Variants in BRIP1 observed in about 807,000 individuals in gnomAD.
BRIP1 encodes BRCA1 interacting DNA helicase 1, also known as Fanconi anemia group J protein.
A neutral mutation model predicts 119.7 loss-of-function variants in BRIP1; 88 were observed. The observed-to-expected ratio is 0.74, with a 90% CI of 0.62 to 0.88. BRIP1 has a LOEUF of 0.88. Among genes scored for constraint, BRIP1 ranks in the 40% least tolerant of loss-of-function variants. The pLI, the probability that BRIP1 is intolerant of heterozygous loss-of-function variation, is 0.00. For missense variants in BRIP1, 1,259 were observed against 1,455.4 expected, an observed-to-expected ratio of 0.87 and a Z score of 2.20; for synonymous variants, 443 against 496.5, an observed-to-expected ratio of 0.89 and a Z score of 1.43.
At chr17:61,850,261 C>T (rs1427497337) in intron 4 of BRIP1, among the ~76,000 whole-genome samples, 2 of 151,934 alleles carry the variant, frequency 1.3e-5, no homozygotes, top group African/African-American at 2.4e-5. Context: ...TGCCACCACG[C>T]CTGGCTAATT....
At chr17:61,747,159 C>T (rs2077068672) in intron 14 of BRIP1, among the ~76,000 whole-genome samples, 1 of 151,636 alleles carries the variant, frequency 6.6e-6, no homozygotes, top group South Asian at 2.1e-4. Context: ...CCACAACATA[C>T]CACAAGTAAG....
At position 61,693,942 on chromosome 17, in the gene BRIP1, TTTC is replaced by T. The variant is rs769604351; in HGVS notation, c.2493-433_2493-431del. Reference sequence around the variant, plus strand: ...AATTCAATTGACATAACATGTAGTTTTTCTTCTTTTGACTGTTAATATGGTAGA... The same window carrying T: ...AATTCAATTGACATAACATGTAGTTTTTCTTTTGACTGTTAATATGGTAGA... On this transcript the variant is annotated intron_variant, in intron 17 of 19. Coordinates refer to ENST00000259008, the MANE Select transcript of BRIP1 (RefSeq NM_032043.3). The surrounding 1 kb of genome is among the most constrained non-coding windows in gnomAD (Gnocchi z 4.2). Among the ~76,000 whole-genome samples the T allele has an allele frequency of 1.3e-5, 2 of 152,098 alleles. No individual in the cohort carries two copies. The highest frequency in any genetic ancestry group is 2.9e-5 in the Non-Finnish European group (2 of 67,976).
At position 61,816,422 on chromosome 17, in the gene BRIP1, A is replaced by G. The variant is rs1006572599; in HGVS notation, c.628-7665T>C. The stretch of plus-strand genomic sequence containing the variant: ...TAAACTGCAGTGGGCTAGCACATTA[A>G]GACAGATCCTTTTCACGGTTGTTTT... On this transcript the variant is annotated intron_variant, in intron 6 of 19. Coordinates refer to ENST00000259008, the MANE Select transcript of BRIP1 (RefSeq NM_032043.3). The surrounding 1 kb of genome is among the most constrained non-coding windows in gnomAD (Gnocchi z 5.0). 9.2e-5 allele frequency among the ~76,000 whole-genome samples: 14 copies of G among 152,210 alleles called. No homozygotes were observed. The highest frequency in any genetic ancestry group is 3.4e-4 in the African/African-American group (14 of 41,462).
chr17:61,718,260 C>T (rs927059261), intron 16 of BRIP1, among the ~76,000 whole-genome samples: 2 of 152,156 alleles, frequency 1.3e-5, no homozygotes, highest in African/African-American at 4.8e-5. Context: ...AATTAGGGTA[C>T]TTGGAACCAG....
rs1012648141 is a variant in BRIP1 at position 61,829,866 on chromosome 17, T to C, written c.627+17235A>G. On this transcript the variant is annotated intron_variant, in intron 6 of 19. Transcript: ENST00000259008. Reference sequence around the variant, plus strand: ...CTTAGAGGGAAATGTATAGCTTTCATTGGTGTTTTATTTAGGAAAAAAAAA... The same window carrying C: ...CTTAGAGGGAAATGTATAGCTTTCACTGGTGTTTTATTTAGGAAAAAAAAA... 2.0e-5 allele frequency among the ~76,000 whole-genome samples: 3 copies of C among 152,192 alleles called. No individual in the cohort carries two copies. In the East Asian group the frequency reaches 5.8e-4, roughly 29 times the overall value.
intron 6 of BRIP1, among the ~76,000 whole-genome samples, chr17:61,837,146 A>T (rs867664957): frequency 3.9e-5 from 6 of 152,268 alleles, no homozygotes; most frequent in Non-Finnish European, 8.8e-5. Flanking sequence ...GCATCAACTC[A>T]CATGAACCTG....
chr17:61,798,170 T>C lies in BRIP1; in HGVS notation c.1340+930A>G, dbSNP rs2077930741. Reference sequence around the variant, plus strand: ...TTAATCAGAGGCTGGTTAAATAAACTATTGCATATCTATCTAATGGAATTC... The same window carrying C: ...TTAATCAGAGGCTGGTTAAATAAACCATTGCATATCTATCTAATGGAATTC... On this transcript the variant is annotated intron_variant, in intron 9 of 19. Transcript: ENST00000259008. This position sits in a 1 kb window ranked among gnomAD's most constrained non-coding sequence, Gnocchi z 5.5. 6.6e-6 allele frequency among the ~76,000 whole-genome samples: 1 copy of C among 151,942 alleles called. No homozygotes were observed. Among genetic ancestry groups the C allele is most frequent in the Admixed American group, 6.6e-5 (1 of 15,226 alleles).
In BRIP1 at chr17:61,769,064, G is replaced by A. The variant is rs1369401498; in HGVS notation, c.2097+7337C>T. On this transcript the variant is annotated intron_variant, in intron 14 of 19. Transcript: ENST00000259008. The surrounding 1 kb of genome is among the most constrained non-coding windows in gnomAD (Gnocchi z 4.9). ...CTTAGCCAACAGCCCGCAAAAGACT[G>A]GGTATCTCACTCAGTCCTACGACTA... 3.3e-5 allele frequency among the ~76,000 whole-genome samples: 5 copies of A among 152,120 alleles called. No individual in the cohort carries two copies. The highest frequency in any genetic ancestry group is 1.2e-4 in the African/African-American group (5 of 41,434).
At position 61,862,470 on chromosome 17, in the gene BRIP1, A is replaced by C. The variant is rs553346523; in HGVS notation, c.-31+814T>G. Among the ~76,000 whole-genome samples the C allele has an allele frequency of 5.3e-5, 8 of 152,344 alleles. No individual in the cohort carries two copies. Among genetic ancestry groups the C allele is most frequent in the African/African-American group, 1.9e-4 (8 of 41,580 alleles). ...AGCCAGGGCAGAATGTACCTAACCCAGGATCTGATACAGATGAGGATCACT... is the reference window on the plus strand; with the variant it reads ...AGCCAGGGCAGAATGTACCTAACCCCGGATCTGATACAGATGAGGATCACT... On this transcript the variant is annotated intron_variant, in intron 1 of 19. Transcript: ENST00000259008. The surrounding 1 kb of genome is among the most constrained non-coding windows in gnomAD (Gnocchi z 5.3).
chr17:61,740,880 G>A lies in BRIP1; in HGVS notation c.2379+2133C>T, dbSNP rs913015365. Among the ~76,000 whole-genome samples, 5 of 152,162 alleles carry A rather than the reference G, an allele frequency of 3.3e-5. No individual in the cohort carries two copies. Among genetic ancestry groups the A allele is most frequent in the Non-Finnish European group, 1.5e-5 (1 of 68,020 alleles). ...ACTGATCAGGGTGGTGGTTGCTAAC[G>A]TTGGAGTGGCTGTGGCAATTTCTTA... is the stretch of plus-strand genomic sequence containing the variant. On this transcript the variant is annotated intron_variant, in intron 16 of 19. Transcript: ENST00000259008. The surrounding 1 kb of genome is among the most constrained non-coding windows in gnomAD (Gnocchi z 5.4).
Position 61,753,705 on chromosome 17 carries a change from G to A in BRIP1, c.2098-9114C>T, listed in dbSNP as rs1035047743. Among the ~76,000 whole-genome samples, 6 of 151,310 alleles carry A rather than the reference G, an allele frequency of 4.0e-5. No homozygotes were observed. The highest frequency in any genetic ancestry group is 7.3e-5 in the African/African-American group (3 of 41,118). ...TAGCCTCACATTCCTGGGCTCAAGC[G>A]ATCCTCCCACCTCAACCTCTCAAGT... is the stretch of plus-strand genomic sequence containing the variant. On this transcript the variant is annotated intron_variant, in intron 14 of 19. Transcript: ENST00000259008. The surrounding 1 kb of genome is among the most constrained non-coding windows in gnomAD (Gnocchi z 4.6).
rs1012043610 is a variant in BRIP1 at position 61,686,538 on chromosome 17, T to C, written c.2576-373A>G. 1.1e-4 allele frequency among the ~76,000 whole-genome samples: 16 copies of C among 152,136 alleles called. No individual in the cohort carries two copies. The highest frequency in any genetic ancestry group is 6.5e-4 in the Admixed American group (10 of 15,276). On this transcript the variant is annotated intron_variant, in intron 18 of 19. Coordinates refer to ENST00000259008, the MANE Select transcript of BRIP1 (RefSeq NM_032043.3). The surrounding 1 kb of genome is among the most constrained non-coding windows in gnomAD (Gnocchi z 5.4). The stretch of plus-strand genomic sequence containing the variant: ...TAGGGAAACTAGAAGTTGTAAACAA[T>C]ACAACTTTCCATTCTAATATTCTAA...
chr17:61,797,581 A>G (rs1289566973), intron 9 of BRIP1, among the ~76,000 whole-genome samples: 1 of 152,052 alleles, frequency 6.6e-6, no homozygotes, highest in African/African-American at 2.4e-5. Flanking sequence ...CTCTTTCAAC[A>G]AGTTATGCTG....
In BRIP1 at chr17:61,684,134, G is replaced by A; in HGVS notation, c.2912C>T (p.Pro971Leu). Residue 971 changes from proline (P) to leucine (L), a missense_variant, in exon 20 of 20, where the codon CCA (proline) becomes CTA (leucine). By Grantham distance (98) the Pro-to-Leu change is moderately conservative. Transcript: ENST00000259008. The surrounding 1 kb of genome is among the most constrained non-coding windows in gnomAD (Gnocchi z 4.5). ...TTTCCCTGCTTCTTCCAGGAATACT[G>A]GATCATCTAAGAATACAAGAATTTA... ...SIISRKEKND[P>L]VFLEEAGKAE... 6.2e-7 allele frequency: 1 copy of A among 1,613,370 alleles called. No individual in the cohort carries two copies. Among genetic ancestry groups the A allele is most frequent in the East Asian group, 2.2e-5 (1 of 44,868 alleles).
In BRIP1 at chr17:61,687,767, G is replaced by A. The variant is rs1456372093; in HGVS notation, c.2576-1602C>T. Among the ~76,000 whole-genome samples, 1 of 152,138 alleles carries A rather than the reference G, an allele frequency of 6.6e-6. No individual in the cohort carries two copies. The highest frequency in any genetic ancestry group is 1.5e-5 in the Non-Finnish European group (1 of 68,016). ...ATGATACTACTGCCTGCATCAAAGC[G>A]GTAGGAAAATTTGTGGCACCCTCTT... On this transcript the variant is annotated intron_variant, in intron 18 of 19. Transcript: ENST00000259008. The surrounding 1 kb of genome is among the most constrained non-coding windows in gnomAD (Gnocchi z 5.1).
Position 61,793,200 on chromosome 17 carries a change from C to A in BRIP1, c.1473+397G>T, listed in dbSNP as rs1037182471. ...TCATAAGTTTCATAGTCTTCCAAAG[C>A]CTACTCATGATCTCTCCATGAATAT... On this transcript the variant is annotated intron_variant, in intron 10 of 19. Coordinates refer to ENST00000259008, the MANE Select transcript of BRIP1 (RefSeq NM_032043.3). This position sits in a 1 kb window ranked among gnomAD's most constrained non-coding sequence, Gnocchi z 5.2. Among the ~76,000 whole-genome samples the A allele has an allele frequency of 1.3e-5, 2 of 152,132 alleles. No individual in the cohort carries two copies. Among genetic ancestry groups the A allele is most frequent in the African/African-American group, 4.8e-5 (2 of 41,530 alleles).
chr17:61,760,500 T>C lies in BRIP1; in HGVS notation c.2097+15901A>G, dbSNP rs1247616684. 6.6e-6 allele frequency among the ~76,000 whole-genome samples: 1 copy of C among 151,878 alleles called. No homozygotes were observed. The highest frequency in any genetic ancestry group is 1.5e-5 in the Non-Finnish European group (1 of 67,874). On this transcript the variant is annotated intron_variant, in intron 14 of 19. Transcript: ENST00000259008. This position sits in a 1 kb window ranked among gnomAD's most constrained non-coding sequence, Gnocchi z 4.6. ...ACACAAAGATCAACAAAACTATGAA[T>C]TGGTTTTTGAAAAGATAAATGAAAT...
At position 61,713,035 on chromosome 17, in the gene BRIP1, C is replaced by T. The variant is rs992400071; in HGVS notation, c.2492+2916G>A. On this transcript the variant is annotated intron_variant, in intron 17 of 19. Coordinates refer to ENST00000259008, the MANE Select transcript of BRIP1 (RefSeq NM_032043.3). The surrounding 1 kb of genome is among the most constrained non-coding windows in gnomAD (Gnocchi z 4.9). ...ATGATGTTTCAGTCAGTGTGAAGTG[C>T]ATATATGATAGTGGTCCCATAAGAT... Among the ~76,000 whole-genome samples, 1 of 152,072 alleles carries T rather than the reference C, an allele frequency of 6.6e-6. No homozygotes were observed. The highest frequency in any genetic ancestry group is 6.5e-5 in the Admixed American group (1 of 15,272).
In BRIP1 at chr17:61,753,737, G is replaced by T. The variant is rs951255844; in HGVS notation, c.2098-9146C>A. ...CCACCTCAACCTCTCAAGTAGCTGG[G>T]ACTACAGGTATGCACTGCCATGTCT... On this transcript the variant is annotated intron_variant, in intron 14 of 19. Transcript: ENST00000259008. The surrounding 1 kb of genome is among the most constrained non-coding windows in gnomAD (Gnocchi z 4.6). 5.3e-5 allele frequency among the ~76,000 whole-genome samples: 8 copies of T among 151,872 alleles called. No individual in the cohort carries two copies. The highest frequency in any genetic ancestry group is 1.9e-4 in the African/African-American group (8 of 41,316).
Sources: gnomAD v4.1 joint callset for allele counts (sites outside exome capture counted in the v4.1 genomes callset) on GRCh38, gnomAD v4.1.1 for gene constraint, Gnocchi (gnomAD v3.1) non-coding constraint, MANE v1.5 for transcripts, NCBI Gene and HGNC (gene_info 2026-07-23, HGNC 2026-07-21) for gene names.